ZDHHC7: variants seen among roughly 807,000 people sequenced by gnomAD.
ZDHHC7 encodes the protein zDHHC palmitoyltransferase 7, also known as palmitoyltransferase ZDHHC7.
In ZDHHC7, 12 loss-of-function variants were observed where a neutral mutation model predicts 34.1. The ratio of observed to expected loss-of-function variants is 0.35; its 90% CI spans 0.23 to 0.57. ZDHHC7 has a LOEUF of 0.57. Among genes scored for constraint, ZDHHC7 ranks in the 20% least tolerant of loss-of-function variants. The pLI, the probability that ZDHHC7 is intolerant of heterozygous loss-of-function variation, is 0.84. For missense variants in ZDHHC7, 388 were observed against 402.7 expected, an observed-to-expected ratio of 0.96 and a Z score of 0.31; for synonymous variants, 185 against 155.4, an observed-to-expected ratio of 1.19 and a Z score of -1.42.
intron 1 of ZDHHC7, among the ~76,000 whole-genome samples, chr16:85,002,186 C>G (rs1396895453): frequency 6.6e-6 from 1 of 152,060 alleles, no homozygotes; most frequent in African/African-American, 2.4e-5. Flanking sequence ...AGACAAATAC[C>G]CAGCGCCACG....
At chr16:85,022,545 A>C in the ZDHHC7 span, among the ~76,000 whole-genome samples, 1 of 152,120 alleles carries the variant, frequency 6.6e-6, no homozygotes, top group Non-Finnish European at 1.5e-5. Context: ...AAGGAGAAGA[A>C]GACAACTCAA....
chr16:84,997,269 T>A (rs2072591483), intron 1 of ZDHHC7, among the ~76,000 whole-genome samples: 1 of 48,982 alleles, frequency 2.0e-5, no homozygotes, highest in South Asian at 7.5e-4. Context: ...AAATTTTCCT[T>A]TTTTTTTTTT....
chr16:85,007,586 C>T (rs903889704), intron 1 of ZDHHC7, among the ~76,000 whole-genome samples: 1 of 151,868 alleles, frequency 6.6e-6, no homozygotes, highest in African/African-American at 2.4e-5. Flanking sequence ...AGTCCCATAA[C>T]AAGCAGACCA....
the ZDHHC7 span, among the ~76,000 whole-genome samples, chr16:85,024,741 C>A: frequency 6.0e-3 from 918 of 152,268 alleles, 6 homozygotes; most frequent in Non-Finnish European, 8.9e-3. Flanking sequence ...CCTTGCTCTC[C>A]ACTCAAGTAG....
At chr16:85,009,910 G>A (rs970647279) in intron 1 of ZDHHC7, among the ~76,000 whole-genome samples, 1 of 151,858 alleles carries the variant, frequency 6.6e-6, no homozygotes, top group African/African-American at 2.4e-5. Flanking sequence ...GGGTTTCACC[G>A]TGTTAGCCAG....
chr16:84,990,397 T>G lies in ZDHHC7; in HGVS notation c.222A>C (p.Lys74Asn). The change falls in exon 3 of 8, where the codon AAA becomes AAC. Residue 74 changes from lysine (K) to asparagine (N), a missense_variant. Transcript: ENST00000313732. ...VVTFVMLLPS[K>N]DFWYSVVNGV... ...CGTTGACCACAGAGTACCAGAAGTC[T>G]TTGGAAGGCAGCAGCATGACGAAAG... 1 of 1,614,010 alleles carries G rather than the reference T, an allele frequency of 6.2e-7. No homozygotes were observed. The highest frequency in any genetic ancestry group is 2.2e-5 in the East Asian group (1 of 44,854).
In ZDHHC7 at chr16:84,974,627, A is replaced by G. The variant is rs2072270730; in HGVS notation, c.*1716T>C. On this transcript the variant is annotated 3_prime_UTR_variant, in exon 8 of 8. Transcript: ENST00000313732. The stretch of plus-strand genomic sequence containing the variant: ...AGGATATACATATTAAAAGCCTCAC[A>G]CTGAAGCCCACACGCATGTCCAACC... 1 of 152,696 alleles carries G rather than the reference A, an allele frequency of 6.5e-6. No homozygotes were observed. The highest frequency in any genetic ancestry group is 1.5e-5 in the Non-Finnish European group (1 of 68,050). The allele number at this position is 152,696 out of a possible 1,614,324, so 9.5% of individuals were successfully genotyped here. A position where few individuals can be genotyped will look rare whatever the true frequency, so the allele number is the denominator to read the frequency against.
the ZDHHC7 span, among the ~76,000 whole-genome samples, chr16:85,023,168 CTTTT>C: frequency 7.8e-4 from 109 of 138,874 alleles, no homozygotes; most frequent in African/African-American, 2.6e-3. Context: ...TCTTTCTTTT[CTTTT>C]TTTTTTTTTT....
chr16:84,997,825 G>A lies in ZDHHC7; in HGVS notation c.-103-1818C>T, dbSNP rs184212888. 2.9e-3 allele frequency among the ~76,000 whole-genome samples: 431 copies of A among 147,546 alleles called. 3 individuals carry two copies. Among genetic ancestry groups the A allele is most frequent in the African/African-American group, 0.01 (406 of 40,186 alleles). ...GGAGAATGGCATGAACCCGGGATGC[G>A]GAGCTTGCAGTGGGCCGAGATGGCG... On this transcript the variant is annotated intron_variant, in intron 1 of 7. Transcript: ENST00000313732.
At chr16:84,982,163 G>T in intron 3 of ZDHHC7, 169 bp from the exon 4 acceptor site, 1 of 689,550 alleles carries the variant, frequency 1.5e-6, no homozygotes, top group Non-Finnish European at 2.3e-6. Context: ...GGTCAACATG[G>T]TGAAACCCCG....
chr16:84,990,753 T>A, intron 2 of ZDHHC7, 118 bp from the exon 3 acceptor site: 4 of 778,524 alleles, frequency 5.1e-6, no homozygotes, highest in South Asian at 1.8e-5. Context: ...ATACACATAG[T>A]GGGAAAGAAC....
the ZDHHC7 span, among the ~76,000 whole-genome samples, chr16:85,023,526 G>A: frequency 1.3e-5 from 2 of 152,162 alleles, no homozygotes; most frequent in Non-Finnish European, 2.9e-5. Context: ...GGAAAAATAG[G>A]CATGGTAGTC....
chr16:85,008,938 G>A (rs926074996), intron 1 of ZDHHC7, among the ~76,000 whole-genome samples: 2 of 151,590 alleles, frequency 1.3e-5, no homozygotes, highest in Non-Finnish European at 1.5e-5. Flanking sequence ...CCAGCTACTC[G>A]GGAGGCTGAG....
In ZDHHC7 at chr16:84,975,252, A is replaced by C. The variant is rs1173279306; in HGVS notation, c.*1091T>G. The C allele has an allele frequency of 1.3e-5, 2 of 152,688 alleles. No homozygotes were observed. 9.5% of individuals were successfully genotyped at this position (152,688 alleles called of 1,614,324 possible). A position where few individuals can be genotyped will look rare whatever the true frequency, so the allele number is the denominator to read the frequency against. On this transcript the variant is annotated 3_prime_UTR_variant, in exon 8 of 8. Transcript: ENST00000313732. ...ACTGGAGCGCTGCCTGCGGTGGCAC[A>C]GTCGCCCCTGCCAGGGGCTGGCTGC... is the stretch of plus-strand genomic sequence containing the variant.
At chr16:85,003,263 C>T (rs2072675829) in intron 1 of ZDHHC7, among the ~76,000 whole-genome samples, 3 of 152,042 alleles carry the variant, frequency 2.0e-5, no homozygotes, top group South Asian at 4.2e-4. Flanking sequence ...TCCAGGGGGG[C>T]GCTGTAAGAT....
chr16:85,011,737 G>C (rs949895857), upstream of ZDHHC7, among the ~76,000 whole-genome samples: 2 of 152,226 alleles, frequency 1.3e-5, no homozygotes, highest in African/African-American at 2.4e-5. Flanking sequence ...AAAGGATAGG[G>C]GCTACGGGCT....
chr16:85,004,561 G>A (rs2072694193), intron 1 of ZDHHC7, among the ~76,000 whole-genome samples: 1 of 150,716 alleles, frequency 6.6e-6, no homozygotes, highest in South Asian at 2.1e-4. Flanking sequence ...CACCACCATG[G>A]CCTAGAAAGC....
chr16:85,002,516 C>A (rs1167444465), intron 1 of ZDHHC7, among the ~76,000 whole-genome samples: 1 of 152,070 alleles, frequency 6.6e-6, no homozygotes, highest in African/African-American at 2.4e-5. Context: ...ACAAAAAAAT[C>A]CCTGACCCAC....
At chr16:85,012,184 C>G (rs1192044128), upstream of ZDHHC7, among the ~76,000 whole-genome samples, 1 of 152,038 alleles carries the variant, frequency 6.6e-6, no homozygotes, top group African/African-American at 2.4e-5. Context: ...GAGTTCGAGA[C>G]CAGCCTGAAC....
Sources: gnomAD v4.1 joint callset for allele counts (sites outside exome capture counted in the v4.1 genomes callset) on GRCh38, gnomAD v4.1.1 for gene constraint, MANE v1.5 for transcripts, NCBI Gene and HGNC (gene_info 2026-07-23, HGNC 2026-07-21) for gene names.